NCOA1: variants seen among roughly 807,000 people sequenced by gnomAD.
NCOA1 encodes the protein nuclear receptor coactivator 1.
A neutral mutation model predicts 150.9 loss-of-function variants in NCOA1; 35 were observed. The ratio of observed to expected loss-of-function variants is 0.23; its 90% CI spans 0.18 to 0.31. The LOEUF (loss-of-function observed/expected upper bound fraction) is 0.31. Among genes scored for constraint, NCOA1 ranks in the 10% least tolerant of loss-of-function variants. The probability of loss-of-function intolerance (pLI) is 1.00; values close to 1 mark genes in which losing one functional copy is unlikely to be tolerated. For missense variants in NCOA1, 1,491 were observed against 1,749.3 expected, an observed-to-expected ratio of 0.85 and a Z score of 2.63; for synonymous variants, 590 against 630.0, an observed-to-expected ratio of 0.94 and a Z score of 0.95.
Position 24,768,301 on chromosome 2 carries a change from T to C in NCOA1, c.4236T>C (p.Pro1412=). 1 of 1,613,960 alleles carries C rather than the reference T, an allele frequency of 6.2e-7. No individual in the cohort carries two copies. The highest frequency in any genetic ancestry group is 8.5e-7 in the Non-Finnish European group (1 of 1,179,982). The stretch of plus-strand genomic sequence containing the variant: ...GCGGGGACCCTTACCTGAACCAGCC[T>C]GGTCCACTGGGAACTCAAAAGCCCA... ...LVGGDPYLNQ[P]GPLGTQKPTS... is the part of the protein sequence containing the mutation. The change falls in exon 23 of 23, where the codon CCT becomes CCC. Residue 1412 remains proline (P), a synonymous_variant. Coordinates refer to ENST00000348332, the MANE Select transcript of NCOA1 (RefSeq NM_003743.5).
chr2:24,539,542 G>A (rs1216622827), intron 1 of NCOA1, among the ~76,000 whole-genome samples: 1 of 152,148 alleles, frequency 6.6e-6, no homozygotes, highest in Non-Finnish European at 1.5e-5. Context: ...GAAATCAGAA[G>A]CCATGAAGAG....
intron 3 of NCOA1, among the ~76,000 whole-genome samples, chr2:24,603,396 T>G (rs1668216915): frequency 6.6e-6 from 1 of 152,210 alleles, no homozygotes; most frequent in Admixed American, 6.5e-5. Flanking sequence ...GATTGACTCT[T>G]CCTTTCACAA....
chr2:24,705,032 A>T lies in NCOA1; in HGVS notation c.950-54A>T, dbSNP rs1045303989. ...GTAGAAATAAAACCTGGTGACTTAA[A>T]GCCAGCGTATAAGTATCAGAATTTT... is the stretch of plus-strand genomic sequence containing the variant. On this transcript the variant is annotated intron_variant, in intron 11 of 22. Transcript: ENST00000348332. 6 of 1,568,858 alleles carry T rather than the reference A, an allele frequency of 3.8e-6. No homozygotes were observed. In the African/African-American group the frequency reaches 5.5e-5, roughly 14 times the overall value.
chr2:24,643,798 C>G (rs1670341771), intron 3 of NCOA1, among the ~76,000 whole-genome samples, 168 bp from the exon 4 acceptor site: 1 of 152,102 alleles, frequency 6.6e-6, no homozygotes, highest in Non-Finnish European at 1.5e-5. Context: ...AGGACTTAAG[C>G]TGTAAAATGA....
At chr2:24,629,834 A>C (rs1251006112) in intron 3 of NCOA1, among the ~76,000 whole-genome samples, 1 of 137,606 alleles carries the variant, frequency 7.3e-6, no homozygotes, top group East Asian at 2.1e-4. Flanking sequence ...ATATATATAT[A>C]TATATATATA....
intron 4 of NCOA1, among the ~76,000 whole-genome samples, chr2:24,645,785 G>T (rs1218262125): frequency 6.6e-6 from 1 of 152,124 alleles, no homozygotes; most frequent in Non-Finnish European, 1.5e-5. Flanking sequence ...GACTTGGGAT[G>T]CTCAACCTGT....
chr2:24,682,846 G>A (rs191738800), intron 7 of NCOA1, 105 bp from the exon 8 acceptor site: 1 of 935,054 alleles, frequency 1.1e-6, no homozygotes, highest in Non-Finnish European at 1.6e-6. Flanking sequence ...ACAGAGACCA[G>A]GTCTTGACAT....
chr2:24,494,492 A>G (rs746364546), intron 1 of NCOA1, among the ~76,000 whole-genome samples: 4 of 152,188 alleles, frequency 2.6e-5, no homozygotes, highest in Non-Finnish European at 4.4e-5. Flanking sequence ...TGGGAGGTCA[A>G]TACAACGCAC....
At chr2:24,533,896 A>C (rs947530408) in intron 1 of NCOA1, among the ~76,000 whole-genome samples, 1 of 152,178 alleles carries the variant, frequency 6.6e-6, no homozygotes, top group Non-Finnish European at 1.5e-5. Context: ...ATATTGGTCT[A>C]AAATTCTCTT....
At chr2:24,675,052 T>C (rs2148523530) in intron 7 of NCOA1, among the ~76,000 whole-genome samples, 1 of 152,348 alleles carries the variant, frequency 6.6e-6, no homozygotes, top group South Asian at 2.1e-4. Flanking sequence ...CTCAGCCTTT[T>C]TCTCAGATTT....
At chr2:24,539,688 A>G (rs1442630318) in intron 1 of NCOA1, among the ~76,000 whole-genome samples, 1 of 152,226 alleles carries the variant, frequency 6.6e-6, no homozygotes, top group African/African-American at 2.4e-5. Context: ...AGTAATAGAA[A>G]AATTTGAATG....
intron 3 of NCOA1, among the ~76,000 whole-genome samples, chr2:24,631,243 T>C (rs892801404): frequency 1.3e-5 from 2 of 152,194 alleles, no homozygotes; most frequent in African/African-American, 4.8e-5. Flanking sequence ...ATGGTTTATT[T>C]ATAATGACTC....
chr2:24,707,487 G>A lies in NCOA1; in HGVS notation c.2017G>A (p.Gly673Arg). The A allele has an allele frequency of 6.2e-7, 1 of 1,614,176 alleles. No homozygotes were observed. Among genetic ancestry groups the A allele is most frequent in the Non-Finnish European group, 8.5e-7 (1 of 1,180,022 alleles). Residue 673 changes from glycine to arginine, a missense_variant, in exon 13 of 23, where the codon GGA becomes AGA. This residue lies in a region of NCOA1 where 703 missense variants were observed against 717.7 expected (regional missense o/e 0.98). Transcript: ENST00000348332. Reference sequence around the variant, plus strand: ...CAACTCTGCCTCTGCTAACTCTTCAGGAGGTTCTTGTCCCTCTTCTCATAG... The same window carrying A: ...CAACTCTGCCTCTGCTAACTCTTCAAGAGGTTCTTGTCCCTCTTCTCATAG... The part of the protein sequence containing the change: ...TSNSASANSS[G>R]GSCPSSHSSL...
chr2:24,675,825 CA>C (rs2148525075), intron 7 of NCOA1, among the ~76,000 whole-genome samples: 1 of 152,282 alleles, frequency 6.6e-6, no homozygotes, highest in East Asian at 1.9e-4. Context: ...GCAGAGGTTG[CA>C]GTGAGCTGAG....
In NCOA1 at chr2:24,576,170, G is replaced by GTTTTTGTTTTTTTTTTTTTTTTTTTT. The variant is rs1666967476; in HGVS notation, c.-259-8301_-259-8300insGTTTTTTTTTTTTTTTTTTTTTTTTT. 4.8e-4 allele frequency among the ~76,000 whole-genome samples: 22 copies of GTTTTTGTTTTTTTTTTTTTTTTTTTT among 46,300 alleles called. 1 individual carries two copies. The highest frequency in any genetic ancestry group is 1.3e-3 in the African/African-American group (21 of 15,702). The allele number at this position is 46,300 out of a possible 152,430, so 30.4% of individuals were successfully genotyped here. ...CTTTGTTTTTTTTTTTTTGTTTTTT[G>GTTTTTGTTTTTTTTTTTTTTTTTTTT]TTTTTTTTTTTTTTTTTTTTTGTTT... is the stretch of plus-strand genomic sequence containing the variant. On this transcript the variant is annotated intron_variant, in intron 2 of 22. Coordinates refer to ENST00000348332, the MANE Select transcript of NCOA1 (RefSeq NM_003743.5).
At chr2:24,552,256 G>A (rs1665857448) in intron 1 of NCOA1, among the ~76,000 whole-genome samples, 1 of 133,196 alleles carries the variant, frequency 7.5e-6, no homozygotes, top group South Asian at 2.4e-4. Flanking sequence ...TGATTGATCT[G>A]ATATTTGAAA....
At chr2:24,689,441 C>T (rs2148555273) in intron 8 of NCOA1, among the ~76,000 whole-genome samples, 1 of 151,792 alleles carries the variant, frequency 6.6e-6, no homozygotes, top group East Asian at 1.9e-4. Flanking sequence ...TGGAGTCTCA[C>T]TCTGTCACCC....
chr2:24,532,149 C>G (rs999172292), intron 1 of NCOA1, among the ~76,000 whole-genome samples: 1 of 152,214 alleles, frequency 6.6e-6, no homozygotes, highest in Non-Finnish European at 1.5e-5. Context: ...GATCGCCATT[C>G]TAACTGGTGT....
At chr2:24,733,669 G>A (rs949307756) in intron 17 of NCOA1, among the ~76,000 whole-genome samples, 4 of 151,990 alleles carry the variant, frequency 2.6e-5, no homozygotes, top group African/African-American at 9.7e-5. Context: ...GCTTGAAACT[G>A]GGAGGTGGAG....
Sources: gnomAD v4.1 joint callset for allele counts (sites outside exome capture counted in the v4.1 genomes callset) on GRCh38, gnomAD v4.1.1 for gene constraint, gnomAD v4.1.1 regional missense constraint, MANE v1.5 for transcripts, NCBI Gene and HGNC (gene_info 2026-07-23, HGNC 2026-07-21) for gene names.